Variants in FRMPD4 observed in about 807,000 individuals in gnomAD.
FRMPD4 encodes FERM and PDZ domain containing 4.
A neutral mutation model predicts 94.1 loss-of-function variants in FRMPD4; 22 were observed. The observed-to-expected ratio is 0.23, with a 90% CI of 0.17 to 0.33. The LOEUF (loss-of-function observed/expected upper bound fraction) is 0.33, where lower values mean the gene tolerates loss of function less well. Ranked by LOEUF, FRMPD4 falls within the 10% of genes least tolerant of loss-of-function variation. The probability of loss-of-function intolerance (pLI) is 1.00; values close to 1 mark genes in which losing one functional copy is unlikely to be tolerated. For synonymous variants in FRMPD4, 631 were observed against 548.6 expected, an observed-to-expected ratio of 1.15 and a Z score of -2.10; for missense variants, 1,111 against 1,339.9, an observed-to-expected ratio of 0.83 and a Z score of 2.67.
chrX:12,236,609 A>G (rs1308460670), intron 1 of FRMPD4, among the ~76,000 whole-genome samples: 1 of 111,621 alleles, frequency 9.0e-6, no homozygotes, highest in African/African-American at 3.3e-5. Flanking sequence ...ATGTTGTGGG[A>G]GATTCGTATG....
At chrX:12,486,621 A>T (rs1307387939) in intron 1 of FRMPD4, among the ~76,000 whole-genome samples, 4 of 112,589 alleles carry the variant, frequency 3.6e-5, no homozygotes, top group African/African-American at 9.7e-5. Flanking sequence ...TTGTAAATAA[A>T]TGTCTTCCGT....
intron 4 of FRMPD4, among the ~76,000 whole-genome samples, chrX:12,628,397 C>A (rs750810210): frequency 4.5e-5 from 5 of 111,572 alleles, no homozygotes; most frequent in South Asian, 7.6e-4. Context: ...CTGTCTTTGA[C>A]TACTCACCTA....
At chrX:12,089,787 G>T (rs1416238949) in intron 3 of FRMPD4, among the ~76,000 whole-genome samples, 3 of 112,012 alleles carry the variant, frequency 2.7e-5, no homozygotes, top group Non-Finnish European at 5.6e-5. Flanking sequence ...TAATGAATGT[G>T]TTTGGTGTCT....
intron 3 of FRMPD4, among the ~76,000 whole-genome samples, chrX:11,945,817 T>C (rs1182027909): frequency 9.0e-6 from 1 of 111,479 alleles, no homozygotes; most frequent in Non-Finnish European, 1.9e-5. Context: ...TCCCACTAGG[T>C]CCATTTTCAA....
chrX:11,842,344 G>A (rs1422253187), intron 1 of FRMPD4, among the ~76,000 whole-genome samples: 1 of 99,606 alleles, frequency 1.0e-5, no homozygotes, highest in Non-Finnish European at 2.0e-5. Context: ...TGGGCAGTAT[G>A]GCCATTTTCA....
chrX:11,851,990 G>A (rs2053625816), intron 1 of FRMPD4, among the ~76,000 whole-genome samples: 1 of 109,023 alleles, frequency 9.2e-6, no homozygotes, highest in East Asian at 2.8e-4. Context: ...AGACAGTGGG[G>A]TTCTACCATC....
chrX:11,978,959 A>G (rs1314531531), intron 3 of FRMPD4, among the ~76,000 whole-genome samples: 3 of 111,476 alleles, frequency 2.7e-5, no homozygotes, highest in Non-Finnish European at 5.6e-5. Context: ...CACTTTTGTA[A>G]TTATTACTAC....
At chrX:12,272,946 G>C (rs1347224823) in intron 1 of FRMPD4, among the ~76,000 whole-genome samples, 1 of 110,288 alleles carries the variant, frequency 9.1e-6, no homozygotes, top group African/African-American at 3.3e-5. Flanking sequence ...GCATGGTGGT[G>C]CATGCCTATA....
intron 1 of FRMPD4, among the ~76,000 whole-genome samples, chrX:12,216,782 A>T (rs1160918324): frequency 8.9e-6 from 1 of 111,837 alleles, no homozygotes; most frequent in African/African-American, 3.3e-5. Context: ...GAAAACTTCA[A>T]ACTTTTAATC....
chrX:12,133,291 C>T (rs1438718477), intron 3 of FRMPD4, among the ~76,000 whole-genome samples: 3 of 109,150 alleles, frequency 2.7e-5, no homozygotes, highest in African/African-American at 1.0e-4. Context: ...AGGCTGGTCT[C>T]GAACTCCTGG....
intron 1 of FRMPD4, among the ~76,000 whole-genome samples, chrX:11,845,490 A>G (rs904909759): frequency 9.1e-6 from 1 of 109,848 alleles, no homozygotes; most frequent in Non-Finnish European, 1.9e-5. Context: ...AACTATTCCA[A>G]TCAATAGAAA....
At chrX:11,840,029 G>A (rs1402462641) in intron 1 of FRMPD4, among the ~76,000 whole-genome samples, 1 of 111,268 alleles carries the variant, frequency 9.0e-6, no homozygotes, top group Non-Finnish European at 1.9e-5. Context: ...CTCTAACTTT[G>A]TTTCTCCTTT....
At chrX:11,847,596 G>A (rs922779652) in intron 1 of FRMPD4, among the ~76,000 whole-genome samples, 8 of 107,704 alleles carry the variant, frequency 7.4e-5, no homozygotes, top group African/African-American at 1.4e-4. Context: ...TGTTTATTGC[G>A]GCAGTATTCA....
chrX:11,862,136 G>A (rs746549000), intron 1 of FRMPD4, among the ~76,000 whole-genome samples: 1 of 111,261 alleles, frequency 9.0e-6, no homozygotes, highest in Non-Finnish European at 1.9e-5. Context: ...CTCCCACCAG[G>A]CCCCACCTCC....
In FRMPD4 at chrX:12,513,451, C is replaced by A. The variant is rs1203121427; in HGVS notation, c.158+14655C>A. On this transcript the variant is annotated intron_variant, in intron 2 of 16. Transcript: ENST00000675598. ...TCTACATATGGCTAGCCAGTTCTCC[C>A]AGCACCATTTATTAAATAGGGAATT... Among the ~76,000 whole-genome samples the A allele has an allele frequency of 1.1e-4, 12 of 112,069 alleles. No homozygotes were observed. The Admixed American group carries it at 1.1e-3, about 11-fold the overall frequency.
chrX:12,486,841 TTC>T (rs2057744156), intron 1 of FRMPD4, among the ~76,000 whole-genome samples: 1 of 112,034 alleles, frequency 8.9e-6, no homozygotes, highest in Non-Finnish European at 1.9e-5. Flanking sequence ...TTCTGGATCT[TTC>T]TCTGTGTTCA....
intron 3 of FRMPD4, among the ~76,000 whole-genome samples, chrX:12,040,012 T>G (rs2054744278): frequency 9.1e-6 from 1 of 109,351 alleles, no homozygotes; most frequent in Admixed American, 9.7e-5. Flanking sequence ...GAATGTATTA[T>G]GTTGCTATTG....
intron 1 of FRMPD4, among the ~76,000 whole-genome samples, chrX:12,467,431 T>C (rs1024971448): frequency 2.7e-5 from 3 of 112,236 alleles, no homozygotes; most frequent in Non-Finnish European, 5.6e-5. Context: ...CTGGCAATTG[T>C]TTCTTTGCAT....
intron 2 of FRMPD4, among the ~76,000 whole-genome samples, chrX:12,566,321 A>C (rs956161427): frequency 2.7e-5 from 3 of 111,230 alleles, no homozygotes; most frequent in African/African-American, 6.5e-5. Flanking sequence ...CCACCCCTAG[A>C]CTCTAACAAA....
Sources: gnomAD v4.1 joint callset for allele counts (sites outside exome capture counted in the v4.1 genomes callset) on GRCh38, gnomAD v4.1.1 for gene constraint, MANE v1.5 for transcripts, NCBI Gene and HGNC (gene_info 2026-07-23, HGNC 2026-07-21) for gene names.